The following RBPJ variants were observed in gnomAD, a reference collection of about 807,000 sequenced individuals.
RBPJ encodes recombination signal binding protein for immunoglobulin kappa J region.
RBPJ carries 9 observed loss-of-function variants against 67.8 expected under a neutral mutation model. That is an observed-to-expected ratio of 0.13 (90% CI 0.08 to 0.23). The LOEUF (loss-of-function observed/expected upper bound fraction) is 0.23, where lower values mean the gene tolerates loss of function less well. Ranked by LOEUF, RBPJ falls within the 10% of genes least tolerant of loss-of-function variation. The pLI, the probability that RBPJ is intolerant of heterozygous loss-of-function variation, is 1.00. For missense variants in RBPJ, 305 were observed against 595.6 expected (o/e 0.51, Z 5.08); for synonymous variants, 198 against 203.3 (o/e 0.97, Z 0.22).
At chr4:26,305,380 G>C (rs1228527261) in intron 1 of RBPJ, among the ~76,000 whole-genome samples, 1 of 152,204 alleles carries the variant, frequency 6.6e-6, no homozygotes, top group East Asian at 1.9e-4. Flanking sequence ...GATTTTGATA[G>C]TGATTGCATT....
At chr4:26,349,225 G>T (rs1017192687) in intron 1 of RBPJ, among the ~76,000 whole-genome samples, 3 of 152,064 alleles carry the variant, frequency 2.0e-5, no homozygotes, top group Middle Eastern at 3.4e-3. Context: ...GAGCCACCAT[G>T]CCTGGATAAT....
At chr4:26,210,031 C>T (rs1370385715) in intron 1 of RBPJ, among the ~76,000 whole-genome samples, 1 of 152,022 alleles carries the variant, frequency 6.6e-6, no homozygotes, top group Admixed American at 6.6e-5. Context: ...ATATGAGGAC[C>T]CACTGTAGAG....
At chr4:26,145,926 T>G in the RBPJ span, among the ~76,000 whole-genome samples, 192 of 152,138 alleles carry the variant, frequency 1.3e-3, no homozygotes, top group African/African-American at 3.8e-3. Flanking sequence ...TTTATTTTGG[T>G]CAATTTTTTG....
intron 1 of RBPJ, among the ~76,000 whole-genome samples, chr4:26,223,280 C>G (rs1415486382): frequency 6.6e-6 from 1 of 152,084 alleles, no homozygotes; most frequent in Admixed American, 6.6e-5. Context: ...CTGAGGGACA[C>G]TCATGTGATA....
intron 4 of RBPJ, among the ~76,000 whole-genome samples, chr4:26,417,819 T>C (rs1396919481): frequency 6.6e-6 from 1 of 152,222 alleles, no homozygotes; most frequent in Non-Finnish European, 1.5e-5. Context: ...CAATTAGTTA[T>C]TGAGAAATAT....
Position 26,420,661 on chromosome 4 carries a change from C to T in RBPJ, c.432C>T (p.Leu144=). 1.9e-6 allele frequency: 3 copies of T among 1,613,994 alleles called. No homozygotes were observed. Among genetic ancestry groups the T allele is most frequent in the Non-Finnish European group, 2.5e-6 (3 of 1,179,934 alleles). ...ACAGTGATGACATTGGTGTGTTCCTCAGCAAGCGGATAAAAGTCATCTCCA... is the reference window on the plus strand; with the variant it reads ...ACAGTGATGACATTGGTGTGTTCCTTAGCAAGCGGATAAAAGTCATCTCCA... The part of the protein sequence containing the change: ...YGNSDDIGVF[L]SKRIKVISKP... Residue 144 remains leucine (L), a synonymous_variant, in exon 5 of 11, where the codon CTC becomes CTT. Coordinates refer to ENST00000355476, the MANE Select transcript of RBPJ (RefSeq NM_015874.6).
At chr4:26,186,469 G>T (rs1378114872) in intron 1 of RBPJ, among the ~76,000 whole-genome samples, 1 of 152,156 alleles carries the variant, frequency 6.6e-6, no homozygotes, top group Non-Finnish European at 1.5e-5. Flanking sequence ...TAATAGAATT[G>T]AGCAAACTAG....
At chr4:26,230,134 G>A (rs532367362) in intron 1 of RBPJ, among the ~76,000 whole-genome samples, 4 of 151,472 alleles carry the variant, frequency 2.6e-5, no homozygotes, top group Non-Finnish European at 5.9e-5. Flanking sequence ...AGGCTGTGGT[G>A]AGCCCAGATT....
At chr4:26,321,070 C>T in intron 1 of RBPJ, 22 bp downstream of exon 1, 1 of 1,576,102 alleles carries the variant, frequency 6.3e-7, no homozygotes. Context: ...GGAATCGGAG[C>T]GCCGGGAACC....
chr4:26,116,619 A>G, the RBPJ span, among the ~76,000 whole-genome samples: 1 of 152,208 alleles, frequency 6.6e-6, no homozygotes, highest in East Asian at 1.9e-4. Flanking sequence ...AGGAAGAACT[A>G]TAGCAAAAGC....
At chr4:26,275,815 A>G (rs1158247872) in intron 1 of RBPJ, among the ~76,000 whole-genome samples, 1 of 151,692 alleles carries the variant, frequency 6.6e-6, no homozygotes. Flanking sequence ...TATTTTTAGT[A>G]GAGACGGGGT....
chr4:26,329,400 G>C (rs758972271), intron 1 of RBPJ, among the ~76,000 whole-genome samples: 4 of 152,150 alleles, frequency 2.6e-5, no homozygotes, highest in Non-Finnish European at 5.9e-5. Flanking sequence ...TTTTGGTGGT[G>C]GGCCTAGGAA....
chr4:26,374,479 CTT>C (rs71186405), intron 1 of RBPJ, among the ~76,000 whole-genome samples: 24 of 144,014 alleles, frequency 1.7e-4, no homozygotes, highest in South Asian at 2.2e-4. Flanking sequence ...TCACCCTTTT[CTT>C]TTTTTTTTTT....
At chr4:26,292,137 T>C (rs1721691055) in intron 1 of RBPJ, among the ~76,000 whole-genome samples, 1 of 150,722 alleles carries the variant, frequency 6.6e-6, no homozygotes, top group Non-Finnish European at 1.5e-5. Context: ...TTGGCAATTA[T>C]TGCCACCATG....
At chr4:26,142,885 G>A in the RBPJ span, among the ~76,000 whole-genome samples, 2 of 152,148 alleles carry the variant, frequency 1.3e-5, no homozygotes, top group African/African-American at 4.8e-5. Flanking sequence ...AGGTTCAAGG[G>A]ATTCTCCTGC....
At position 26,430,652 on chromosome 4, in the gene RBPJ, T is replaced by A. The variant is rs1301183740; in HGVS notation, c.1149-40T>A. 1 of 1,599,882 alleles carries A rather than the reference T, an allele frequency of 6.3e-7. No homozygotes were observed. Among genetic ancestry groups the A allele is most frequent in the African/African-American group, 1.3e-5 (1 of 74,548 alleles). On this transcript the variant is annotated intron_variant, in intron 10 of 10. Transcript: ENST00000355476. The surrounding 1 kb of genome is among the most constrained non-coding windows in gnomAD (Gnocchi z 4.1). ...GTCTCATTTTTAACATGTACTTTGCTTTTTAAAGTGTTTTTAAGTGATTTC... is the reference window on the plus strand; with the variant it reads ...GTCTCATTTTTAACATGTACTTTGCATTTTAAAGTGTTTTTAAGTGATTTC...
Position 26,430,594 on chromosome 4 carries a change from C to T in RBPJ, c.1148+72C>T, listed in dbSNP as rs1189006006. The T allele has an allele frequency of 1.3e-6, 2 of 1,524,668 alleles. No homozygotes were observed. The highest frequency in any genetic ancestry group is 2.3e-5 in the East Asian group (1 of 44,326). The allele number at this position is 1,524,668 out of a possible 1,614,324, so 94.4% of individuals were successfully genotyped here. On this transcript the variant is annotated intron_variant, in intron 10 of 10. Coordinates refer to ENST00000355476, the MANE Select transcript of RBPJ (RefSeq NM_015874.6). The surrounding 1 kb of genome is among the most constrained non-coding windows in gnomAD (Gnocchi z 4.1). ...GGGTACAGGAGATTCTTTCCTGGCA[C>T]TGATTGTAATGTATTAAACAACCTT...
At chr4:26,117,817 TTAAAA>T in the RBPJ span, among the ~76,000 whole-genome samples, 3 of 152,168 alleles carry the variant, frequency 2.0e-5, no homozygotes, top group South Asian at 6.2e-4. Flanking sequence ...CTATTAGCAC[TTAAAA>T]TAATTATTAG....
intron 1 of RBPJ, among the ~76,000 whole-genome samples, chr4:26,287,620 GGAGGGGAGGGGAGGGGAGGAGCAGA>G (rs1721522315): frequency 2.0e-5 from 1 of 48,956 alleles, no homozygotes; most frequent in African/African-American, 1.0e-4. Flanking sequence ...GGAGGGGAGG[GGAGGGGAGGGGAGGGGAGGAGCAGA>G]GAAGAGAAGA....
Sources: gnomAD v4.1 joint callset for allele counts (sites outside exome capture counted in the v4.1 genomes callset) on GRCh38, gnomAD v4.1.1 for gene constraint, Gnocchi (gnomAD v3.1) non-coding constraint, MANE v1.5 for transcripts, NCBI Gene and HGNC (gene_info 2026-07-23, HGNC 2026-07-21) for gene names.